The following HECW1 variants were observed in gnomAD, a reference collection of about 807,000 sequenced individuals.
The protein encoded by HECW1 is E3 ubiquitin-protein ligase HECW1.
Under a neutral mutation model 182.3 loss-of-function variants are expected in HECW1, and 61 were observed. The observed-to-expected ratio is 0.33, with a 90% CI of 0.27 to 0.41. The LOEUF (loss-of-function observed/expected upper bound fraction) is 0.41. Among genes scored for constraint, HECW1 ranks in the 10% least tolerant of loss-of-function variants. The pLI is 1.00. For synonymous variants in HECW1, 859 were observed against 832.6 expected (o/e 1.03, Z -0.55); for missense variants, 1,739 against 2,108.9 (o/e 0.82, Z 3.44).
intron 2 of HECW1, among the ~76,000 whole-genome samples, chr7:43,236,496 C>T (rs769179569): frequency 6.6e-5 from 10 of 152,162 alleles, no homozygotes; most frequent in Non-Finnish European, 1.2e-4. Context: ...AGACATGAGA[C>T]GTCAATCAAT....
chr7:43,113,235 G>A (rs768429764), intron 1 of HECW1, among the ~76,000 whole-genome samples: 1 of 152,032 alleles, frequency 6.6e-6, no homozygotes, highest in African/African-American at 2.4e-5. Flanking sequence ...GGTTCGCAGC[G>A]CCTCCCCCGC....
chr7:43,438,226 GTA>G (rs2076771047), intron 9 of HECW1, 81 bp downstream of exon 9: 2 of 1,209,750 alleles, frequency 1.7e-6, no homozygotes, highest in Non-Finnish European at 2.4e-6. Context: ...GGCTGCAATA[GTA>G]TAGTCTCACA....
chr7:43,490,718 T>C (rs993048153), intron 17 of HECW1, among the ~76,000 whole-genome samples: 1 of 152,216 alleles, frequency 6.6e-6, no homozygotes, highest in Non-Finnish European at 1.5e-5. Context: ...TTTTTTTTAA[T>C]TTACAAAATT....
At chr7:43,374,217 G>T (rs1057123286) in intron 6 of HECW1, among the ~76,000 whole-genome samples, 15 of 152,174 alleles carry the variant, frequency 9.9e-5, no homozygotes, top group African/African-American at 3.4e-4. Context: ...ATTCATAGAG[G>T]TTGGCTCCTT....
intron 5 of HECW1, among the ~76,000 whole-genome samples, chr7:43,327,625 T>C (rs776006927): frequency 2.6e-5 from 4 of 152,202 alleles, no homozygotes; most frequent in African/African-American, 9.7e-5. Flanking sequence ...CCTTCGTTAT[T>C]TCCTTCCAGT....
At chr7:43,467,868 G>C (rs540156405) in intron 15 of HECW1, among the ~76,000 whole-genome samples, 2 of 152,164 alleles carry the variant, frequency 1.3e-5, no homozygotes, top group African/African-American at 4.8e-5. Context: ...GATGGAGGGC[G>C]TGGCTGCAAA....
chr7:43,477,418 G>C (rs1393284421), intron 16 of HECW1, among the ~76,000 whole-genome samples: 1 of 152,142 alleles, frequency 6.6e-6, no homozygotes, highest in Non-Finnish European at 1.5e-5. Flanking sequence ...ATAATGAAAA[G>C]TCTATTTTTA....
intron 6 of HECW1, 34 bp downstream of exon 6, chr7:43,361,014 A>T: frequency 7.0e-7 from 1 of 1,436,636 alleles, no homozygotes. Context: ...GGTTAGACCT[A>T]ACTCTGGTCT....
intron 3 of HECW1, among the ~76,000 whole-genome samples, chr7:43,285,180 G>C (rs1051030894): frequency 2.0e-5 from 3 of 152,098 alleles, no homozygotes; most frequent in African/African-American, 7.2e-5. Flanking sequence ...AAGACAAAAG[G>C]GGGAAATGGA....
At chr7:43,522,394 A>G (rs1201184181) in intron 24 of HECW1, 4 of 152,156 alleles carry the variant, frequency 2.6e-5, no homozygotes, top group African/African-American at 4.8e-5. Flanking sequence ...AATCTCCCAG[A>G]TGCTGTTATC....
intron 5 of HECW1, among the ~76,000 whole-genome samples, chr7:43,338,495 A>G (rs1584532638): frequency 6.6e-6 from 1 of 151,286 alleles, no homozygotes; most frequent in South Asian, 2.1e-4. Context: ...CTTGGATTTA[A>G]TTTGTTGTTC....
chr7:43,410,029 A>C (rs1430464238), intron 8 of HECW1, among the ~76,000 whole-genome samples: 1 of 152,188 alleles, frequency 6.6e-6, no homozygotes, highest in Admixed American at 6.5e-5. Flanking sequence ...GTGAGCCCCC[A>C]GGGATCCCAG....
At chr7:43,118,615 C>A (rs979322468) in intron 2 of HECW1, 1 of 152,064 alleles carries the variant, frequency 6.6e-6, no homozygotes, top group Non-Finnish European at 1.5e-5. Context: ...TTTTTCTTTA[C>A]CGTTATTCAT....
At chr7:43,441,591 T>C (rs922977117) in intron 9 of HECW1, among the ~76,000 whole-genome samples, 1 of 152,244 alleles carries the variant, frequency 6.6e-6, no homozygotes, top group Non-Finnish European at 1.5e-5. Context: ...GTTGGCAAAC[T>C]TTTTTGTACA....
chr7:43,556,136 G>T (rs144695602), intron 29 of HECW1, among the ~76,000 whole-genome samples: 1 of 152,296 alleles, frequency 6.6e-6, no homozygotes, highest in African/African-American at 2.4e-5. Context: ...AGCGTGCTGC[G>T]AGAGTGTGAA....
chr7:43,540,296 A>G (rs73693019), intron 24 of HECW1, among the ~76,000 whole-genome samples: 5,466 of 152,264 alleles, frequency 0.036, 347 homozygotes, highest in African/African-American at 0.13. Context: ...GTGAAAACCT[A>G]CTTAGAGTGG....
At position 43,432,008 on chromosome 7, in the gene HECW1, T is replaced by A. The variant is rs1410372714; in HGVS notation, c.802-5995T>A. On this transcript the variant is annotated intron_variant, in intron 8 of 29. Coordinates refer to ENST00000395891, the MANE Select transcript of HECW1 (RefSeq NM_015052.5). This position sits in a 1 kb window ranked among gnomAD's most constrained non-coding sequence, Gnocchi z 4.1. ...ATGCCTGGCTAATTTTTGTAGTTTT[T>A]AGTAGAGATGGGGGTTTCACCATCT... Among the ~76,000 whole-genome samples the A allele has an allele frequency of 6.6e-6, 1 of 152,078 alleles. No individual in the cohort carries two copies. The highest frequency in any genetic ancestry group is 2.4e-5 in the African/African-American group (1 of 41,424).
intron 2 of HECW1, among the ~76,000 whole-genome samples, chr7:43,120,012 A>G (rs1324521709): frequency 6.6e-6 from 1 of 152,230 alleles, no homozygotes; most frequent in African/African-American, 2.4e-5. Context: ...CTGCCTAGAC[A>G]TCTGCTGTGT....
intron 19 of HECW1, among the ~76,000 whole-genome samples, chr7:43,494,540 G>C (rs931216790): frequency 6.8e-6 from 1 of 146,748 alleles, no homozygotes; most frequent in African/African-American, 2.5e-5. Context: ...GTCTTGCTCT[G>C]TTGCCTGGGC....
Sources: allele counts gnomAD v4.1 joint callset (sites outside exome capture counted in the v4.1 genomes callset), GRCh38; gene constraint gnomAD v4.1.1; non-coding constraint Gnocchi (gnomAD v3.1); transcripts MANE v1.5; gene names NCBI Gene and HGNC (gene_info 2026-07-23, HGNC 2026-07-21).